Variants in TMPRSS11E observed in about 807,000 individuals in gnomAD.
TMPRSS11E encodes the protein transmembrane protease serine 11E.
A neutral mutation model predicts 48.1 loss-of-function variants in TMPRSS11E; 38 were observed. The ratio of observed to expected loss-of-function variants is 0.79; its 90% CI spans 0.61 to 1.04. The LOEUF (loss-of-function observed/expected upper bound fraction) is 1.04, where lower values mean the gene tolerates loss of function less well. Ranked by LOEUF, TMPRSS11E falls within the 50% of genes least tolerant of loss-of-function variation. The pLI is 0.00. For synonymous variants in TMPRSS11E, 158 were observed against 171.9 expected (o/e 0.92, Z 0.63); for missense variants, 530 against 510.8 (o/e 1.04, Z -0.36).
At chr4:68,468,976 AT>A (rs1728993433) in intron 4 of TMPRSS11E, 30 bp downstream of exon 4, 1 of 1,537,746 alleles carries the variant, frequency 6.5e-7, no homozygotes, top group South Asian at 1.1e-5. Context: ...TGACTTCTGA[AT>A]TTAAAGTTGA....
Position 68,468,872 on chromosome 4 carries a change from C to T in TMPRSS11E, c.259-7C>T, listed in dbSNP as rs753057118. 1.3e-6 allele frequency: 2 copies of T among 1,578,304 alleles called. No homozygotes were observed. Among genetic ancestry groups the T allele is most frequent in the Non-Finnish European group, 1.7e-6 (2 of 1,148,370 alleles). ...TGCTGATATATTTTGAATATTTTTA[C>T]AAACAGGTGAAAAATGCATTTTATA... On this transcript the variant is annotated splice_polypyrimidine_tract_variant and splice_region_variant and intron_variant, in intron 3 of 9. Transcript: ENST00000305363.
chr4:68,474,765 A>G lies in TMPRSS11E; in HGVS notation c.529+4A>G. ...ACAGACAGCTATCTAAACCATTGTA[A>G]GTTTAATATATTTATTAAAATAGCA... On this transcript the variant is annotated splice_donor_region_variant and intron_variant, in intron 6 of 9. Coordinates refer to ENST00000305363, the MANE Select transcript of TMPRSS11E (RefSeq NM_014058.4). 1 of 1,595,398 alleles carries G rather than the reference A, an allele frequency of 6.3e-7. No individual in the cohort carries two copies. Among genetic ancestry groups the G allele is most frequent in the Non-Finnish European group, 8.5e-7 (1 of 1,174,176 alleles).
chr4:68,468,810 C>A, intron 3 of TMPRSS11E, 69 bp from the exon 4 acceptor site: 1 of 1,165,508 alleles, frequency 8.6e-7, no homozygotes, highest in Non-Finnish European at 1.3e-6. Context: ...TTCTAAAAAG[C>A]TTTGAATTAA....
chr4:68,459,382 G>T (rs1314686767), intron 1 of TMPRSS11E, among the ~76,000 whole-genome samples: 1 of 151,268 alleles, frequency 6.6e-6, no homozygotes, highest in Non-Finnish European at 1.5e-5. Context: ...CCATAATGTT[G>T]TTCTTAAAAA....
In TMPRSS11E at chr4:68,468,944, C is replaced by G. The variant is rs369420585; in HGVS notation, c.324C>G (p.Phe108Leu). ...EEFVKSQVIK[F>L]SQQKHGVLAH... ...TTGTCAAGTCTCAGGTTATCAAGTT[C>G]AGGTATGTAAATCTGAATTGCTGAC... The change falls in exon 4 of 10, where the codon TTC becomes TTG. Residue 108 changes from phenylalanine to leucine, a missense_variant and splice_region_variant. Phe to Leu is a conservative substitution (Grantham distance 22, BLOSUM62 0). Coordinates refer to ENST00000305363, the MANE Select transcript of TMPRSS11E (RefSeq NM_014058.4). The G allele has an allele frequency of 1.2e-6, 2 of 1,609,122 alleles. No individual in the cohort carries two copies. Among genetic ancestry groups the G allele is most frequent in the African/African-American group, 2.7e-5 (2 of 74,736 alleles).
chr4:68,451,860 A>C (rs1728507589), intron 1 of TMPRSS11E, among the ~76,000 whole-genome samples: 1 of 151,970 alleles, frequency 6.6e-6, no homozygotes, highest in African/African-American at 2.4e-5. Flanking sequence ...ACCAGGGTCT[A>C]TCTGACTTCA....
intron 8 of TMPRSS11E, among the ~76,000 whole-genome samples, chr4:68,478,609 C>G (rs1036543498): frequency 2.0e-5 from 3 of 150,910 alleles, no homozygotes; most frequent in African/African-American, 7.3e-5. Flanking sequence ...TGCATGCCAC[C>G]ACCCCCGGCT....
At chr4:68,485,718 T>C (rs1442416638) in intron 9 of TMPRSS11E, among the ~76,000 whole-genome samples, 1 of 152,182 alleles carries the variant, frequency 6.6e-6, no homozygotes, top group Non-Finnish European at 1.5e-5. Flanking sequence ...ATTTTCAATA[T>C]AATTGGTACC....
chr4:68,471,903 G>A (rs1729081795), intron 5 of TMPRSS11E, among the ~76,000 whole-genome samples: 1 of 151,760 alleles, frequency 6.6e-6, no homozygotes, highest in Non-Finnish European at 1.5e-5. Context: ...TGAAGAAAAT[G>A]GCTTTGTATT....
intron 5 of TMPRSS11E, among the ~76,000 whole-genome samples, chr4:68,473,538 C>G (rs538623618): frequency 1.2e-4 from 19 of 152,090 alleles, no homozygotes; most frequent in African/African-American, 4.6e-4. Context: ...ACACTTATTG[C>G]ACATATCTTG....
At chr4:68,471,349 C>A in intron 4 of TMPRSS11E, 111 bp from the exon 5 acceptor site, 4 of 636,174 alleles carry the variant, frequency 6.3e-6, no homozygotes, top group East Asian at 3.3e-5. Context: ...TTCTTTCTTT[C>A]CTCCCTCCCT....
intron 2 of TMPRSS11E, among the ~76,000 whole-genome samples, 158 bp from the exon 3 acceptor site, chr4:68,466,473 G>C (rs978910402): frequency 6.6e-6 from 1 of 152,084 alleles, no homozygotes; most frequent in Non-Finnish European, 1.5e-5. Flanking sequence ...TTTTTATCCT[G>C]AGATAACTAT....
At chr4:68,462,669 C>G (rs150378447) in intron 2 of TMPRSS11E, among the ~76,000 whole-genome samples, 1 of 152,128 alleles carries the variant, frequency 6.6e-6, no homozygotes, top group East Asian at 1.9e-4. Flanking sequence ...GAAGTAGGCT[C>G]TATTCTGTAC....
chr4:68,481,006 C>T (rs1729384925), intron 9 of TMPRSS11E, among the ~76,000 whole-genome samples: 1 of 152,074 alleles, frequency 6.6e-6, no homozygotes. Context: ...CTCTTTGTGT[C>T]CATATGTACT....
intron 9 of TMPRSS11E, among the ~76,000 whole-genome samples, chr4:68,481,871 A>G (rs977074801): frequency 6.6e-6 from 1 of 152,034 alleles, no homozygotes; most frequent in Non-Finnish European, 1.5e-5. Flanking sequence ...GATTGTTTGA[A>G]CCCAAGAGGT....
At chr4:68,449,363 A>G (rs1392332934) in intron 1 of TMPRSS11E, among the ~76,000 whole-genome samples, 4 of 151,782 alleles carry the variant, frequency 2.6e-5, no homozygotes, top group Admixed American at 2.6e-4. Context: ...TTTATTGGTC[A>G]TAGGGGTGTA....
At chr4:68,490,365 T>A (rs548658663) in intron 9 of TMPRSS11E, among the ~76,000 whole-genome samples, 65 of 132,944 alleles carry the variant, frequency 4.9e-4, no homozygotes, top group Admixed American at 9.8e-4. Context: ...TTTGAAAAAA[T>A]TAAATTATTA....
intron 8 of TMPRSS11E, among the ~76,000 whole-genome samples, chr4:68,478,176 C>T: frequency 8.9e-6 from 1 of 112,706 alleles, no homozygotes; most frequent in Non-Finnish European, 1.7e-5. Flanking sequence ...GAGACAGAGT[C>T]TCCTTGTTGA....
At chr4:68,464,761 G>C (rs1421884357) in intron 2 of TMPRSS11E, among the ~76,000 whole-genome samples, 1 of 152,074 alleles carries the variant, frequency 6.6e-6, no homozygotes, top group Non-Finnish European at 1.5e-5. Flanking sequence ...TACATTTAAG[G>C]GTGTAGAAGG....
Sources: allele counts gnomAD v4.1 joint callset (sites outside exome capture counted in the v4.1 genomes callset), GRCh38; gene constraint gnomAD v4.1.1; transcripts MANE v1.5; gene names NCBI Gene and HGNC (gene_info 2026-07-23, HGNC 2026-07-21).